Variants in ADCY3 observed in about 807,000 individuals in gnomAD.
The protein encoded by ADCY3 is adenylate cyclase type 3.
A neutral mutation model predicts 119.4 loss-of-function variants in ADCY3; 70 were observed. That is an observed-to-expected ratio of 0.59 (90% confidence interval 0.48 to 0.72). ADCY3 has a LOEUF of 0.72. ADCY3 is among the 30% of genes least tolerant of loss of function. ADCY3 has a pLI of 0.00. For synonymous variants in ADCY3, 672 were observed against 621.4 expected (o/e 1.08, Z -1.21); for missense variants, 1,238 against 1,541.6 (o/e 0.80, Z 3.30).
chr2:24,869,794 C>T (rs1674741569), intron 3 of ADCY3, among the ~76,000 whole-genome samples: 1 of 152,250 alleles, frequency 6.6e-6, no homozygotes, highest in African/African-American at 2.4e-5. Flanking sequence ...TTAGAAACTT[C>T]TCAAATTATT....
chr2:24,888,530 T>C (rs1677326773), intron 2 of ADCY3, among the ~76,000 whole-genome samples: 1 of 152,212 alleles, frequency 6.6e-6, no homozygotes, highest in African/African-American at 2.4e-5. Context: ...CTCCAGCCCC[T>C]ACAACAGGAG....
At position 24,841,240 on chromosome 2, in the gene ADCY3, C is replaced by A; in HGVS notation, c.1196+19G>T. 6.5e-7 allele frequency: 1 copy of A among 1,546,242 alleles called. No individual in the cohort carries two copies. The highest frequency in any genetic ancestry group is 8.7e-7 in the Non-Finnish European group (1 of 1,144,808). ...GGCCCTTGCTCTGGGAGCCTCCCTC[C>A]CAGAGGCATCCCACTTACGAGATGG... On this transcript the variant is annotated intron_variant, in intron 6 of 21. Coordinates refer to ENST00000679454, the MANE Select transcript of ADCY3 (RefSeq NM_004036.5). The surrounding 1 kb of genome is among the most constrained non-coding windows in gnomAD (Gnocchi z 5.8).
Position 24,822,687 on chromosome 2 carries a change from C to A in ADCY3, c.2884-57G>T, listed in dbSNP as rs962438707. 8.8e-6 allele frequency: 14 copies of A among 1,597,134 alleles called. No individual in the cohort carries two copies. In the Middle Eastern group the frequency reaches 5.0e-4, roughly 57 times the overall value. ...CAGTCAAGGGAGAGGAATGACCCAA[C>A]CCAGTGACAGATGTACCTGTTTACA... On this transcript the variant is annotated intron_variant, in intron 18 of 21. Coordinates refer to ENST00000679454, the MANE Select transcript of ADCY3 (RefSeq NM_004036.5).
chr2:24,821,735 C>G (rs1243673405), intron 19 of ADCY3, 95 bp from the exon 20 acceptor site: 1 of 1,530,298 alleles, frequency 6.5e-7, no homozygotes, highest in African/African-American at 1.4e-5. Context: ...GGTGGATTCC[C>G]TACACCTAGA....
intron 2 of ADCY3, among the ~76,000 whole-genome samples, chr2:24,902,370 C>A (rs1193631546): frequency 6.6e-6 from 1 of 152,096 alleles, no homozygotes; most frequent in African/African-American, 2.4e-5. Context: ...CGTGAGCCAC[C>A]TTGCCCAGCC....
chr2:24,825,622 CTT>C, intron 16 of ADCY3: 1 of 182,774 alleles, frequency 5.5e-6, no homozygotes, highest in South Asian at 1.1e-4. Context: ...CCGGCCTTCT[CTT>C]TTCCTTTTAA....
At chr2:24,911,657 A>T (rs11896955) in intron 2 of ADCY3, among the ~76,000 whole-genome samples, 1 of 138,152 alleles carries the variant, frequency 7.2e-6, no homozygotes, top group African/African-American at 2.8e-5. Flanking sequence ...AAAAAAAAAA[A>T]ACACACACAC....
At chr2:24,825,927 G>T in intron 16 of ADCY3, 118 bp downstream of exon 16, 1 of 948,962 alleles carries the variant, frequency 1.1e-6, no homozygotes, top group Non-Finnish European at 1.7e-6. Flanking sequence ...TCACGTGTGG[G>T]GCTGGGTGAA....
rs988233752 is a variant in ADCY3, at chr2:24,919,293, C to A, written c.-197-109G>T. 4 of 329,406 alleles carry A rather than the reference C, an allele frequency of 1.2e-5. No individual in the cohort carries two copies. Among genetic ancestry groups the A allele is most frequent in the Non-Finnish European group, 2.3e-5 (4 of 176,726 alleles). 20.4% of individuals were successfully genotyped at this position (329,406 alleles called of 1,614,324 possible). A position where few individuals can be genotyped will look rare whatever the true frequency, so the allele number is the denominator to read the frequency against. ...GATCTCTGCTGCAAGAGCCTCCCAA[C>A]CCAGGGCCTTCCCTGCCACCCCCGG... is the stretch of plus-strand genomic sequence containing the variant. On this transcript the variant is annotated intron_variant, in intron 1 of 21. Transcript: ENST00000679454. The surrounding 1 kb of genome is among the most constrained non-coding windows in gnomAD (Gnocchi z 5.5).
In ADCY3 at chr2:24,911,050, GT is replaced by G. The variant is rs1242487623; in HGVS notation, c.675+7262del. On this transcript the variant is annotated intron_variant, in intron 2 of 21. Transcript: ENST00000679454. ...GCCAGAGAAGGTGCATATGAGGGCTGTTGGTTGCAACACTCAACACCCCAGA... is the reference window on the plus strand; with the variant it reads ...GCCAGAGAAGGTGCATATGAGGGCTGTGGTTGCAACACTCAACACCCCAGA... Among the ~76,000 whole-genome samples the G allele has an allele frequency of 2.0e-5, 3 of 151,970 alleles. No individual in the cohort carries two copies. The East Asian group carries it at 5.8e-4, about 29-fold the overall frequency.
chr2:24,863,958 T>A (rs1529897), intron 3 of ADCY3, among the ~76,000 whole-genome samples: 122 of 152,168 alleles, frequency 8.0e-4, no homozygotes, highest in African/African-American at 2.3e-3. Flanking sequence ...CTAAGTATAC[T>A]CTCACTCATT....
At chr2:24,828,690 C>A (rs924183884) in intron 13 of ADCY3, among the ~76,000 whole-genome samples, 2 of 152,248 alleles carry the variant, frequency 1.3e-5, no homozygotes, top group African/African-American at 4.8e-5. Context: ...CATCCAGAAC[C>A]GGAATCAACC....
At chr2:24,897,341 C>T (rs1678406066) in intron 2 of ADCY3, among the ~76,000 whole-genome samples, 1 of 151,856 alleles carries the variant, frequency 6.6e-6, no homozygotes, top group Non-Finnish European at 1.5e-5. Flanking sequence ...ATAGAATGTA[C>T]CCCCACCTCC....
At chr2:24,905,744 A>C (rs1039109004) in intron 2 of ADCY3, among the ~76,000 whole-genome samples, 1 of 152,184 alleles carries the variant, frequency 6.6e-6, no homozygotes, top group Admixed American at 6.5e-5. Context: ...CAGCCAGAGA[A>C]ACAGCCATTT....
At chr2:24,903,151 A>G (rs1278247591) in intron 2 of ADCY3, among the ~76,000 whole-genome samples, 1 of 113,236 alleles carries the variant, frequency 8.8e-6, no homozygotes, top group Non-Finnish European at 1.9e-5. Flanking sequence ...TCTATCTCCA[A>G]AAAAAAAAAA....
Position 24,842,466 on chromosome 2 carries a change from G to A in ADCY3, c.826-82C>T, listed in dbSNP as rs749939899. The A allele has an allele frequency of 7.4e-5, 115 of 1,556,186 alleles. No homozygotes were observed. The highest frequency in any genetic ancestry group is 9.6e-5 in the Non-Finnish European group (109 of 1,140,984). On this transcript the variant is annotated intron_variant, in intron 3 of 21. Transcript: ENST00000679454. This position sits in a 1 kb window ranked among gnomAD's most constrained non-coding sequence, Gnocchi z 4.9. ...AGATACTTCTGGGAAGAAATGCCCC[G>A]ATCCTGGCAAGAAACGTGAGCAGGG...
chr2:24,893,702 C>T (rs1177652405), intron 2 of ADCY3, among the ~76,000 whole-genome samples: 11 of 151,904 alleles, frequency 7.2e-5, no homozygotes, highest in African/African-American at 7.3e-5. Context: ...CTCTCAGGCT[C>T]GCTCAAATGA....
intron 3 of ADCY3, among the ~76,000 whole-genome samples, chr2:24,860,700 C>T (rs1050326426): frequency 6.6e-6 from 1 of 152,192 alleles, no homozygotes; most frequent in Non-Finnish European, 1.5e-5. Context: ...GGGACTGTGC[C>T]GCCTCACCCT....
intron 3 of ADCY3, among the ~76,000 whole-genome samples, chr2:24,860,481 C>T (rs867004650): frequency 6.6e-6 from 1 of 152,230 alleles, no homozygotes; most frequent in Non-Finnish European, 1.5e-5. Flanking sequence ...GCCAGGGCTG[C>T]ACCAAGAGCT....
Sources: gnomAD v4.1 joint callset for allele counts (sites outside exome capture counted in the v4.1 genomes callset) on GRCh38, gnomAD v4.1.1 for gene constraint, Gnocchi (gnomAD v3.1) non-coding constraint, MANE v1.5 for transcripts, NCBI Gene and HGNC (gene_info 2026-07-23, HGNC 2026-07-21) for gene names.